Variants in TSHZ3 observed in about 807,000 individuals in gnomAD.
The protein encoded by TSHZ3 is teashirt homolog 3.
TSHZ3 carries 10 observed loss-of-function variants against 64.5 expected under a neutral mutation model. The ratio of observed to expected loss-of-function variants is 0.16; its 90% CI spans 0.10 to 0.26. The LOEUF (loss-of-function observed/expected upper bound fraction) is 0.26. TSHZ3 is among the 10% of genes least tolerant of loss of function. The pLI, the probability that TSHZ3 is intolerant of heterozygous loss-of-function variation, is 1.00. For synonymous variants in TSHZ3, 608 were observed against 593.1 expected, an observed-to-expected ratio of 1.03 and a Z score of -0.36; for missense variants, 1,242 against 1,421.7, an observed-to-expected ratio of 0.87 and a Z score of 2.03.
intron 1 of TSHZ3, among the ~76,000 whole-genome samples, chr19:31,339,917 AG>A (rs1018093601): frequency 3.3e-5 from 5 of 151,406 alleles, no homozygotes; most frequent in Admixed American, 6.6e-5. Context: ...AAAAAAAAAA[AG>A]AAAGAAAAGA....
intron 1 of TSHZ3, among the ~76,000 whole-genome samples, chr19:31,317,136 C>T (rs946032395): frequency 3.3e-5 from 5 of 152,042 alleles, no homozygotes; most frequent in African/African-American, 7.3e-5. Flanking sequence ...TTTTTTCATC[C>T]GTCAACAAAA....
chr19:31,276,594 A>T lies in TSHZ3; in HGVS notation c.3199T>A (p.Ser1067Thr). 6.3e-7 allele frequency: 1 copy of T among 1,591,534 alleles called. No individual in the cohort carries two copies. The highest frequency in any genetic ancestry group is 8.6e-7 in the Non-Finnish European group (1 of 1,165,070). Reference sequence around the variant, plus strand: ...ACATACAGAAGGTGGTCTTCCGGAGATTTCCCGTGTGTTTTGCTAAGGTGA... The same window carrying T: ...ACATACAGAAGGTGGTCTTCCGGAGTTTTCCCGTGTGTTTTGCTAAGGTGA... ...KLHLSKTHGK[S>T]PEDHLLYVSE... is the part of the protein sequence containing the mutation. Residue 1067 changes from serine to threonine, a missense_variant, in exon 2 of 2, where the codon TCT (serine) becomes ACT (threonine). Ser to Thr is a moderately conservative substitution (Grantham distance 58, BLOSUM62 1). This residue lies in a region of TSHZ3 where 126 missense variants were observed against 140.6 expected (regional missense o/e 0.90). Transcript: ENST00000240587.
intron 3 of TSHZ3, among the ~76,000 whole-genome samples, chr19:31,234,031 C>T (rs116500022): frequency 6.6e-6 from 1 of 151,212 alleles, no homozygotes; most frequent in African/African-American, 2.4e-5. Flanking sequence ...ACTATCTAGT[C>T]TTCCCATCCA....
chr19:31,340,051 G>T (rs1021567880), intron 1 of TSHZ3, among the ~76,000 whole-genome samples: 5 of 151,922 alleles, frequency 3.3e-5, no homozygotes, highest in Non-Finnish European at 7.4e-5. Context: ...CATCTGCATA[G>T]TAAATTTTAA....
At chr19:31,196,201 G>A (rs1974991097) in intron 5 of TSHZ3, among the ~76,000 whole-genome samples, 1 of 151,850 alleles carries the variant, frequency 6.6e-6, no homozygotes, top group Non-Finnish European at 1.5e-5. Flanking sequence ...TATCCATGAA[G>A]CAGTATAGCA....
chr19:31,261,115 A>G (rs947340464), intron 1 of TSHZ3, among the ~76,000 whole-genome samples: 2 of 152,164 alleles, frequency 1.3e-5, no homozygotes, highest in Non-Finnish European at 2.9e-5. Context: ...CAATCTCCCC[A>G]TCAGTACAAT....
intron 1 of TSHZ3, among the ~76,000 whole-genome samples, chr19:31,331,365 T>C (rs1451036810): frequency 2.0e-5 from 3 of 152,200 alleles, no homozygotes; most frequent in African/African-American, 4.8e-5. Context: ...TATCATTTTT[T>C]TTGTCTTTGT....
At chr19:31,166,948 G>A (rs59199394) in intron 5 of TSHZ3, among the ~76,000 whole-genome samples, 5,112 of 152,250 alleles carry the variant, frequency 0.034, 265 homozygotes, top group African/African-American at 0.11. Flanking sequence ...AGATGAGTCT[G>A]TCCCTCATTT....
intron 4 of TSHZ3, among the ~76,000 whole-genome samples, chr19:31,216,130 A>G (rs919625954): frequency 1.6e-4 from 25 of 152,270 alleles, no homozygotes; most frequent in Admixed American, 8.5e-4. Context: ...CATCAATGGT[A>G]TAAGTGTATA....
chr19:31,222,257 C>T (rs1975402664), intron 4 of TSHZ3, among the ~76,000 whole-genome samples: 1 of 152,136 alleles, frequency 6.6e-6, no homozygotes, highest in African/African-American at 2.4e-5. Flanking sequence ...TCTTTATGGG[C>T]TAGTAGAATC....
intron 1 of TSHZ3, among the ~76,000 whole-genome samples, chr19:31,263,462 C>T (rs1001419147): frequency 9.9e-5 from 15 of 152,200 alleles, no homozygotes; most frequent in African/African-American, 3.1e-4. Flanking sequence ...GCAGCGAGCA[C>T]GAGGAGCTGC....
intron 1 of TSHZ3, 79 bp downstream of exon 1, chr19:31,349,101 G>C: frequency 3.3e-6 from 5 of 1,496,646 alleles, no homozygotes; most frequent in Admixed American, 2.1e-5. Flanking sequence ...GGCGAGGAGC[G>C]GGGTCGCGCC....
intron 1 of TSHZ3, among the ~76,000 whole-genome samples, chr19:31,310,452 TG>T (rs1916426103): frequency 6.6e-6 from 1 of 152,182 alleles, no homozygotes; most frequent in African/African-American, 2.4e-5. Context: ...AAGTATCTGC[TG>T]CATGGATGAA....
intron 3 of TSHZ3, among the ~76,000 whole-genome samples, chr19:31,235,637 T>C (rs1975601482): frequency 1.3e-5 from 1 of 76,808 alleles, no homozygotes; most frequent in Non-Finnish European, 2.3e-5. Context: ...CTTTCCTCTT[T>C]CTTTCTTTCT....
chr19:31,318,685 T>C (rs1233045300), intron 1 of TSHZ3, among the ~76,000 whole-genome samples: 2 of 152,210 alleles, frequency 1.3e-5, no homozygotes, highest in Non-Finnish European at 2.9e-5. Context: ...TCTCCTATTA[T>C]TTTTATCCTT....
intron 1 of TSHZ3, among the ~76,000 whole-genome samples, chr19:31,259,366 T>A (rs1199598993): frequency 6.6e-6 from 1 of 152,202 alleles, no homozygotes; most frequent in African/African-American, 2.4e-5. Context: ...TTCAATCCCT[T>A]TATTTTAACT....
chr19:31,332,207 A>T (rs1654240024), intron 1 of TSHZ3, among the ~76,000 whole-genome samples: 1 of 152,170 alleles, frequency 6.6e-6, no homozygotes. Context: ...CATAAACTTT[A>T]TTATTACATC....
rs886202424 is a variant in TSHZ3, at chr19:31,341,642, C to T, written c.40+7538G>A. Among the ~76,000 whole-genome samples, 1,272 of 138,232 alleles carry T rather than the reference C, an allele frequency of 9.2e-3. 20 individuals are homozygous for T. The highest frequency in any genetic ancestry group is 0.042 in the African/African-American group (1,221 of 29,046). 90.7% of individuals were successfully genotyped at this position (138,232 alleles called of 152,430 possible). A position where few individuals can be genotyped will look rare whatever the true frequency, so the allele number is the denominator to read the frequency against. ...TCTCTCTCTCTCTGACACACACACACACACACACACACACACACACACACA... is the reference window on the plus strand; with the variant it reads ...TCTCTCTCTCTCTGACACACACACATACACACACACACACACACACACACA... On this transcript the variant is annotated intron_variant, in intron 1 of 1. Coordinates refer to ENST00000240587, the MANE Select transcript of TSHZ3 (RefSeq NM_020856.4).
intron 1 of TSHZ3, among the ~76,000 whole-genome samples, chr19:31,340,722 G>A (rs1917408674): frequency 6.6e-6 from 1 of 152,272 alleles, no homozygotes; most frequent in East Asian, 1.9e-4. Context: ...GAGGACTGGG[G>A]GCTGCAGGTT....
Sources: allele counts gnomAD v4.1 joint callset (sites outside exome capture counted in the v4.1 genomes callset), GRCh38; gene constraint gnomAD v4.1.1; regional missense constraint gnomAD v4.1.1; transcripts MANE v1.5; gene names NCBI Gene and HGNC (gene_info 2026-07-23, HGNC 2026-07-21).